Variants in ADCY5 observed in about 807,000 individuals in gnomAD.
ADCY5 encodes adenylate cyclase 5, also known as adenylate cyclase type 5.
Under a neutral mutation model 119.7 loss-of-function variants are expected in ADCY5, and 30 were observed. The ratio of observed to expected loss-of-function variants is 0.25; its 90% CI spans 0.19 to 0.34. The LOEUF (loss-of-function observed/expected upper bound fraction) is 0.34. ADCY5 is among the 10% of genes least tolerant of loss of function. The probability of loss-of-function intolerance (pLI) is 1.00; values close to 1 mark genes in which losing one functional copy is unlikely to be tolerated. For synonymous variants in ADCY5, 753 were observed against 762.2 expected (o/e 0.99, Z 0.20); for missense variants, 1,324 against 1,775.2 (o/e 0.75, Z 4.57).
chr3:123,347,719 G>A (rs929523412), intron 3 of ADCY5, 63 bp downstream of exon 3: 2 of 1,601,506 alleles, frequency 1.2e-6, no homozygotes, highest in African/African-American at 1.3e-5. Context: ...AAGGAAGTGG[G>A]ATGTCTCCAC....
At chr3:123,396,008 G>GAA (rs1384507535) in intron 1 of ADCY5, among the ~76,000 whole-genome samples, 9 of 126,282 alleles carry the variant, frequency 7.1e-5, no homozygotes, top group South Asian at 2.8e-4. Context: ...GAAAGAAAGA[G>GAA]AGAAAGAGAG....
At position 123,447,446 on chromosome 3, in the gene ADCY5, C is replaced by T; in HGVS notation, c.1100G>A (p.Arg367His). The change falls in exon 1 of 21, where the codon CGC becomes CAC. Residue 367 changes from arginine to histidine, a missense_variant. Transcript: ENST00000462833. ...CAGGAACTGGTCCTGGGCGTTGGTGCGCAGGGCGATGGCCAGGTGGAGGGC... is the reference window on the plus strand; with the variant it reads ...CAGGAACTGGTCCTGGGCGTTGGTGTGCAGGGCGATGGCCAGGTGGAGGGC... The part of the protein sequence containing the change: ...LSALHLAIAL[R>H]TNAQDQFLLK... 6.2e-7 allele frequency: 1 copy of T among 1,604,134 alleles called. No individual in the cohort carries two copies. The highest frequency in any genetic ancestry group is 8.5e-7 in the Non-Finnish European group (1 of 1,174,882).
At chr3:123,372,749 C>T (rs1350884929) in intron 1 of ADCY5, among the ~76,000 whole-genome samples, 1 of 152,192 alleles carries the variant, frequency 6.6e-6, no homozygotes, top group South Asian at 2.1e-4. Flanking sequence ...TCAAAGTCTG[C>T]ACCAAGGAAG....
At chr3:123,326,375 C>T (rs959100984) in intron 7 of ADCY5, among the ~76,000 whole-genome samples, 1 of 152,222 alleles carries the variant, frequency 6.6e-6, no homozygotes, top group African/African-American at 2.4e-5. Context: ...TCAACTCCCT[C>T]CCTTGTCAGA....
chr3:123,413,215 A>AGTG (rs1576679834), intron 1 of ADCY5, among the ~76,000 whole-genome samples: 1 of 152,220 alleles, frequency 6.6e-6, no homozygotes, highest in East Asian at 1.9e-4. Context: ...TTTCTTAAGC[A>AGTG]GTGACCTTTC....
chr3:123,434,634 A>C (rs1397023124), intron 1 of ADCY5, among the ~76,000 whole-genome samples: 2 of 152,332 alleles, frequency 1.3e-5, no homozygotes, highest in East Asian at 3.9e-4. Flanking sequence ...CTGGTATTTG[A>C]GCCACTGTCT....
chr3:123,345,741 GAC>G, intron 3 of ADCY5, among the ~76,000 whole-genome samples: 2 of 107,796 alleles, frequency 1.9e-5, no homozygotes, highest in African/African-American at 9.2e-5. Context: ...CAGAGAGACA[GAC>G]AGACAGACAG....
chr3:123,387,688 AAAAAGAATT>A (rs1229511992), intron 1 of ADCY5, among the ~76,000 whole-genome samples: 1 of 152,232 alleles, frequency 6.6e-6, no homozygotes, highest in Non-Finnish European at 1.5e-5. Flanking sequence ...TGCAGATGCA[AAAAAGAATT>A]TCCTTTCAAC....
intron 1 of ADCY5, among the ~76,000 whole-genome samples, chr3:123,427,766 G>A (rs1467545830): frequency 6.6e-6 from 1 of 152,194 alleles, no homozygotes; most frequent in African/African-American, 2.4e-5. Context: ...GAGATTAACT[G>A]AGTTAACAGA....
chr3:123,447,862 C>A lies in ADCY5; in HGVS notation c.684G>T (p.Arg228=), dbSNP rs778134092. 1.2e-6 allele frequency: 2 copies of A among 1,612,488 alleles called. No homozygotes were observed. The highest frequency in any genetic ancestry group is 1.1e-5 in the South Asian group (1 of 91,084). ...GGCGGAAGAAGTAGCGCTGGTACAGCCGCTCCAGTTTGTCCGACGGGAACT... is the reference window on the plus strand; with the variant it reads ...GGCGGAAGAAGTAGCGCTGGTACAGACGCTCCAGTTTGTCCGACGGGAACT... The part of the protein sequence containing the change: ...SKKFPSDKLE[R]LYQRYFFRLN... Residue 228 remains arginine, a synonymous_variant, in exon 1 of 21, where the codon CGG becomes CGT. Transcript: ENST00000462833.
intron 1 of ADCY5, among the ~76,000 whole-genome samples, chr3:123,431,970 T>C (rs1440029505): frequency 6.6e-6 from 1 of 152,202 alleles, no homozygotes; most frequent in African/African-American, 2.4e-5. Flanking sequence ...TACAAAACGC[T>C]GATGCCCAGC....
At chr3:123,309,821 G>A (rs1476614293) in intron 12 of ADCY5, among the ~76,000 whole-genome samples, 1 of 152,148 alleles carries the variant, frequency 6.6e-6, no homozygotes, top group Non-Finnish European at 1.5e-5. Context: ...AAGACACCTA[G>A]GAGGGGAGGG....
At position 123,325,391 on chromosome 3, in the gene ADCY5, G is replaced by A; in HGVS notation, c.2019C>T (p.His673=). The A allele has an allele frequency of 4.3e-6, 7 of 1,614,158 alleles. No homozygotes were observed. Among genetic ancestry groups the A allele is most frequent in the Non-Finnish European group, 5.9e-6 (7 of 1,179,990 alleles). Residue 673 remains histidine, a synonymous_variant, in exon 8 of 21, where the codon CAC becomes CAT. Transcript: ENST00000462833. ...RTNSIGHNPP[H]WGAERPFYNH... ...TGTAGAAGGGGCGCTCAGCCCCCCA[G>A]TGTGGTGGGTTGTGCCCGATGGAGT... is the stretch of plus-strand genomic sequence containing the variant.
At chr3:123,307,052 G>A (rs926116661) in intron 12 of ADCY5, among the ~76,000 whole-genome samples, 2 of 152,022 alleles carry the variant, frequency 1.3e-5, no homozygotes, top group Non-Finnish European at 2.9e-5. Context: ...CAGAGACAAA[G>A]TAGATGAGTG....
At chr3:123,377,075 C>T (rs2107547192) in intron 1 of ADCY5, among the ~76,000 whole-genome samples, 1 of 152,332 alleles carries the variant, frequency 6.6e-6, no homozygotes, top group Non-Finnish European at 1.5e-5. Context: ...ACCTGTCCAC[C>T]TCCAGCTGAC....
intron 1 of ADCY5, among the ~76,000 whole-genome samples, chr3:123,440,027 C>T (rs959224584): frequency 1.3e-5 from 2 of 152,230 alleles, no homozygotes; most frequent in African/African-American, 4.8e-5. Flanking sequence ...GGCTTCCAAG[C>T]CGAGCTGCGT....
intron 1 of ADCY5, chr3:123,404,216 G>A (rs1401984344): frequency 6.6e-6 from 1 of 152,232 alleles, no homozygotes; most frequent in African/African-American, 2.4e-5. Flanking sequence ...CGAGGCTCTG[G>A]AAGGGGACTT....
At chr3:123,299,757 G>C (rs1939725020) in intron 15 of ADCY5, among the ~76,000 whole-genome samples, 1 of 152,228 alleles carries the variant, frequency 6.6e-6, no homozygotes, top group Non-Finnish European at 1.5e-5. Flanking sequence ...CAGACCCTGT[G>C]AACAACAAAG....
At chr3:123,340,566 G>T (rs1396704986) in intron 3 of ADCY5, among the ~76,000 whole-genome samples, 1 of 152,016 alleles carries the variant, frequency 6.6e-6, no homozygotes, top group Non-Finnish European at 1.5e-5. Context: ...CTCCCACAGG[G>T]CCCCTCATTT....
Sources: allele counts gnomAD v4.1 joint callset (sites outside exome capture counted in the v4.1 genomes callset), GRCh38; gene constraint gnomAD v4.1.1; transcripts MANE v1.5; gene names NCBI Gene and HGNC (gene_info 2026-07-23, HGNC 2026-07-21).